Variants in PAQR5 observed in about 807,000 individuals in gnomAD.
PAQR5 encodes membrane progestin receptor gamma.
A neutral mutation model predicts 34.5 loss-of-function variants in PAQR5; 20 were observed. The ratio of observed to expected loss-of-function variants is 0.58; its 90% CI spans 0.41 to 0.84. The LOEUF is 0.84. Among genes scored for constraint, PAQR5 ranks in the 40% least tolerant of loss-of-function variants. The pLI, the probability that PAQR5 is intolerant of heterozygous loss-of-function variation, is 0.00. For synonymous variants in PAQR5, 131 were observed against 155.6 expected, an observed-to-expected ratio of 0.84 and a Z score of 1.18; for missense variants, 378 against 412.7, an observed-to-expected ratio of 0.92 and a Z score of 0.73.
At chr15:69,375,419 A>G (rs538025570) in intron 3 of PAQR5, among the ~76,000 whole-genome samples, 10 of 152,230 alleles carry the variant, frequency 6.6e-5, no homozygotes, top group South Asian at 2.1e-4. Flanking sequence ...GGAGGTTAGG[A>G]CTTTAACTTA....
chr15:69,356,441 A>T (rs552777612), intron 2 of PAQR5, among the ~76,000 whole-genome samples: 4 of 152,288 alleles, frequency 2.6e-5, no homozygotes, highest in African/African-American at 4.8e-5. Flanking sequence ...TTTCTTTATT[A>T]TTCTATAATT....
At chr15:69,379,723 A>G in intron 3 of PAQR5, 160 bp from the exon 4 acceptor site, 3 of 742,806 alleles carry the variant, frequency 4.0e-6, no homozygotes, top group Non-Finnish European at 4.9e-6. Context: ...TTTAGAAGCT[A>G]CTGCGAGGGA....
At chr15:69,402,321 C>CTT (rs869050882) in intron 8 of PAQR5, among the ~76,000 whole-genome samples, 1 of 144,072 alleles carries the variant, frequency 6.9e-6, no homozygotes, top group Non-Finnish European at 1.5e-5. Context: ...CCTTTTCTTT[C>CTT]TTTTTTTTTT....
chr15:69,375,291 C>G (rs984767883), intron 3 of PAQR5, among the ~76,000 whole-genome samples: 1 of 152,126 alleles, frequency 6.6e-6, no homozygotes, highest in Non-Finnish European at 1.5e-5. Flanking sequence ...TCCCTGGTGT[C>G]TCTCTGTGAA....
chr15:69,322,790 G>GGAAGAAGAA (rs1368686628), intron 1 of PAQR5, among the ~76,000 whole-genome samples: 1 of 13,136 alleles, frequency 7.6e-5, no homozygotes, highest in African/African-American at 1.7e-4. Flanking sequence ...AAGAAGACGA[G>GGAAGAAGAA]GAAGAAGAAG....
At chr15:69,383,975 T>A (rs1443847233) in intron 4 of PAQR5, among the ~76,000 whole-genome samples, 2 of 90,974 alleles carry the variant, frequency 2.2e-5, no homozygotes, top group Admixed American at 2.0e-4. Flanking sequence ...CCCTCTGTGT[T>A]CATCGTGGAG....
chr15:69,394,413 T>C (rs1383614515), intron 6 of PAQR5, among the ~76,000 whole-genome samples: 1 of 152,112 alleles, frequency 6.6e-6, no homozygotes, highest in Non-Finnish European at 1.5e-5. Flanking sequence ...ATAAGACAAC[T>C]CCTACACAAT....
At chr15:69,394,131 TCAA>T (rs2056347583) in intron 6 of PAQR5, among the ~76,000 whole-genome samples, 1 of 151,786 alleles carries the variant, frequency 6.6e-6, no homozygotes. Flanking sequence ...TTTTTTTTTT[TCAA>T]AGAGCTGCTG....
Position 69,404,097 on chromosome 15 carries a change from A to G in PAQR5, c.*275A>G, listed in dbSNP as rs1445589905. On this transcript the variant is annotated 3_prime_UTR_variant, in exon 9 of 9. Coordinates refer to ENST00000395407, the MANE Select transcript of PAQR5 (RefSeq NM_017705.4). ...TTCATTAATTTTAAATTTACTTAAAATGTGGTTTTAAATTCTATTTAAACA... is the reference window on the plus strand; with the variant it reads ...TTCATTAATTTTAAATTTACTTAAAGTGTGGTTTTAAATTCTATTTAAACA... 1 of 337,606 alleles carries G rather than the reference A, an allele frequency of 3.0e-6. No individual in the cohort carries two copies. Among genetic ancestry groups the G allele is most frequent in the Admixed American group, 4.6e-5 (1 of 21,648 alleles). 20.9% of individuals were successfully genotyped at this position (337,606 alleles called of 1,614,324 possible).
chr15:69,340,239 T>C (rs752650683), intron 2 of PAQR5, among the ~76,000 whole-genome samples: 14 of 152,154 alleles, frequency 9.2e-5, no homozygotes, highest in Non-Finnish European at 1.6e-4. Flanking sequence ...CATAATCTAG[T>C]ATACACATAC....
intron 3 of PAQR5, among the ~76,000 whole-genome samples, chr15:69,362,212 G>A (rs7183905): frequency 0.95 from 144,304 of 152,190 alleles, 68,895 homozygotes; most frequent in East Asian, 1. Flanking sequence ...CCAGTTTTTC[G>A]TAAGTTAGAG....
chr15:69,300,937 C>CTCTCTCTCTTTCTT (rs2053578922), intron 1 of PAQR5, among the ~76,000 whole-genome samples: 1 of 5,154 alleles, frequency 1.9e-4, no homozygotes, highest in African/African-American at 3.0e-4. Context: ...CTCTCTCTCT[C>CTCTCTCTCTTTCTT]TCTTTCTTTC....
chr15:69,340,331 A>G (rs1481452492), intron 2 of PAQR5, among the ~76,000 whole-genome samples: 1 of 152,158 alleles, frequency 6.6e-6, no homozygotes, highest in Non-Finnish European at 1.5e-5. Flanking sequence ...ACTCTGCAAT[A>G]CACTGATATT....
intron 1 of PAQR5, among the ~76,000 whole-genome samples, chr15:69,333,977 C>T (rs1435903652): frequency 1.3e-5 from 2 of 151,994 alleles, no homozygotes; most frequent in Non-Finnish European, 2.9e-5. Flanking sequence ...AAATAGAAAC[C>T]GTAATACCTT....
At chr15:69,356,211 G>C (rs886655216) in intron 2 of PAQR5, among the ~76,000 whole-genome samples, 1 of 152,138 alleles carries the variant, frequency 6.6e-6, no homozygotes, top group Non-Finnish European at 1.5e-5. Flanking sequence ...GTTGTCTGAG[G>C]CTTCTCTGGT....
chr15:69,373,996 C>G (rs6494795), intron 3 of PAQR5, among the ~76,000 whole-genome samples: 7,532 of 152,176 alleles, frequency 0.049, 388 homozygotes, highest in African/African-American at 0.12. Context: ...CCCTGATATT[C>G]ATCATTTATT....
chr15:69,331,733 G>C (rs902849589), intron 1 of PAQR5, among the ~76,000 whole-genome samples: 1 of 152,134 alleles, frequency 6.6e-6, no homozygotes, highest in African/African-American at 2.4e-5. Context: ...AGGGAGCAAC[G>C]GGAAAAAGTT....
intron 1 of PAQR5, among the ~76,000 whole-genome samples, chr15:69,323,449 C>T (rs1188120300): frequency 2.6e-5 from 4 of 152,138 alleles, no homozygotes; most frequent in African/African-American, 4.8e-5. Flanking sequence ...CTCCCCTGAA[C>T]GGCCAGTGGT....
Position 69,404,720 on chromosome 15 carries a change from A to C in PAQR5, c.*898A>C, listed in dbSNP as rs950654373. The C allele has an allele frequency of 2.6e-5, 10 of 385,692 alleles. No homozygotes were observed. Among genetic ancestry groups the C allele is most frequent in the Non-Finnish European group, 4.6e-5 (10 of 218,604 alleles). The allele number at this position is 385,692 out of a possible 1,614,324, so 23.9% of individuals were successfully genotyped here. ...GCATTTCAAATATGTTGCAAAATTT[A>C]GTATCCATATGCATAAGAAGTTAAT... On this transcript the variant is annotated 3_prime_UTR_variant, in exon 9 of 9. Transcript: ENST00000395407.
Sources: allele counts gnomAD v4.1 joint callset (sites outside exome capture counted in the v4.1 genomes callset), GRCh38; gene constraint gnomAD v4.1.1; transcripts MANE v1.5; gene names NCBI Gene and HGNC (gene_info 2026-07-23, HGNC 2026-07-21).